IFT74: variants seen among roughly 807,000 people sequenced by gnomAD.
IFT74 encodes intraflagellar transport protein 74 homolog.
Under a neutral mutation model 96.7 loss-of-function variants are expected in IFT74, and 92 were observed. That is an observed-to-expected ratio of 0.95 (90% CI 0.80 to 1.13). The LOEUF (loss-of-function observed/expected upper bound fraction) is 1.13, where lower values mean the gene tolerates loss of function less well. Ranked by LOEUF, IFT74 falls within the 50% of genes most tolerant of loss-of-function variation. IFT74 has a pLI of 0.00. For missense variants in IFT74, 811 were observed against 698.2 expected, an observed-to-expected ratio of 1.16 and a Z score of -1.82; for synonymous variants, 223 against 213.2, an observed-to-expected ratio of 1.05 and a Z score of -0.40.
At chr9:27,055,576 GATTA>G (rs759235344) in intron 16 of IFT74, 29 bp from the exon 17 acceptor site, 36 of 1,471,594 alleles carry the variant, frequency 2.4e-5, no homozygotes, top group Admixed American at 5.1e-5. Context: ...ATAAAATTTT[GATTA>G]ATTATCACCT....
chr9:27,045,151 G>A (rs571574210), intron 14 of IFT74, among the ~76,000 whole-genome samples: 25 of 152,332 alleles, frequency 1.6e-4, no homozygotes, highest in African/African-American at 4.3e-4. Flanking sequence ...GAGCATTACC[G>A]TCTGAGCTCT....
intron 14 of IFT74, among the ~76,000 whole-genome samples, chr9:27,046,889 A>T (rs1385233621): frequency 6.6e-6 from 1 of 152,202 alleles, no homozygotes; most frequent in East Asian, 1.9e-4. Context: ...ATTTCTAAAA[A>T]TTGGGCCAGG....
chr9:26,961,509 C>T (rs1826359559), intron 1 of IFT74, among the ~76,000 whole-genome samples: 1 of 151,920 alleles, frequency 6.6e-6, no homozygotes, highest in Non-Finnish European at 1.5e-5. Context: ...CTTGGACTAC[C>T]GAAAGTGTTA....
intron 12 of IFT74, among the ~76,000 whole-genome samples, chr9:27,027,923 A>C (rs765862580): frequency 2.6e-5 from 4 of 152,170 alleles, no homozygotes; most frequent in Non-Finnish European, 4.4e-5. Flanking sequence ...GTTTTCTTCT[A>C]AGAGTTTGGT....
At chr9:27,042,529 T>G (rs1007672411) in intron 13 of IFT74, among the ~76,000 whole-genome samples, 1 of 152,194 alleles carries the variant, frequency 6.6e-6, no homozygotes, top group Non-Finnish European at 1.5e-5. Context: ...ATAATCTCAC[T>G]GAGAACAATT....
chr9:27,012,708 GTTTT>G (rs772920018), intron 10 of IFT74, among the ~76,000 whole-genome samples: 4 of 53,864 alleles, frequency 7.4e-5, no homozygotes, highest in Non-Finnish European at 9.7e-5. Context: ...AAAAATGTCT[GTTTT>G]TTTTTTTTTT....
intron 8 of IFT74, among the ~76,000 whole-genome samples, 189 bp downstream of exon 8, chr9:26,990,384 C>T (rs1827811353): frequency 6.6e-6 from 1 of 152,056 alleles, no homozygotes; most frequent in South Asian, 2.1e-4. Flanking sequence ...TACCTAAATT[C>T]TGTATAAAGA....
chr9:26,999,152 G>A (rs1039263562), intron 8 of IFT74, among the ~76,000 whole-genome samples: 1 of 152,112 alleles, frequency 6.6e-6, no homozygotes, highest in Non-Finnish European at 1.5e-5. Flanking sequence ...CACACAATCT[G>A]AAATTCTTTA....
intron 10 of IFT74, among the ~76,000 whole-genome samples, chr9:27,016,588 G>T (rs778074963): frequency 2.6e-5 from 4 of 152,108 alleles, no homozygotes; most frequent in Non-Finnish European, 4.4e-5. Flanking sequence ...GTTTAAAGTT[G>T]TACATATGTT....
chr9:27,011,270 G>A (rs1829057737), intron 9 of IFT74, among the ~76,000 whole-genome samples: 1 of 152,034 alleles, frequency 6.6e-6, no homozygotes. Flanking sequence ...AAAAGAAAGA[G>A]TATGATAGAA....
chr9:26,990,334 A>G (rs990914104), intron 8 of IFT74, 139 bp downstream of exon 8: 3 of 446,840 alleles, frequency 6.7e-6, no homozygotes, highest in Non-Finnish European at 1.2e-5. Context: ...TACAACACAA[A>G]TTTTGTTGCT....
At chr9:26,978,072 A>G in intron 2 of IFT74, 56 bp from the exon 3 acceptor site, 1 of 1,459,656 alleles carries the variant, frequency 6.9e-7, no homozygotes, top group Non-Finnish European at 9.2e-7. Flanking sequence ...TTTACAATAA[A>G]AGATGTACAG....
At chr9:27,028,780 C>A in intron 12 of IFT74, 3 of 257,406 alleles carry the variant, frequency 1.2e-5, no homozygotes, top group Non-Finnish European at 2.2e-5. Flanking sequence ...AAGATCTAGA[C>A]AAGATTCTTC....
intron 8 of IFT74, among the ~76,000 whole-genome samples, chr9:27,008,565 G>A (rs960793751): frequency 3.3e-5 from 5 of 152,036 alleles, no homozygotes; most frequent in Non-Finnish European, 5.9e-5. Flanking sequence ...TTGTCGTGTT[G>A]CCCAGGCTGG....
chr9:26,966,122 A>G (rs923200977), intron 2 of IFT74, among the ~76,000 whole-genome samples: 1 of 151,458 alleles, frequency 6.6e-6, no homozygotes, highest in African/African-American at 2.4e-5. Context: ...TATATTCGCT[A>G]TTGTGGCAAG....
intron 6 of IFT74, among the ~76,000 whole-genome samples, 178 bp downstream of exon 6, chr9:26,984,737 C>G (rs567794752): frequency 1.4e-4 from 21 of 152,120 alleles, no homozygotes; most frequent in Non-Finnish European, 2.5e-4. Context: ...TAGGGAAATG[C>G]AAATCAAAAG....
chr9:27,026,828 C>T (rs1474656277), intron 12 of IFT74, among the ~76,000 whole-genome samples: 1 of 152,084 alleles, frequency 6.6e-6, no homozygotes, highest in Admixed American at 6.6e-5. Context: ...AAAAGCAGTG[C>T]CTAGAGGAAC....
At chr9:27,023,855 C>G (rs1829727597) in intron 12 of IFT74, among the ~76,000 whole-genome samples, 1 of 152,234 alleles carries the variant, frequency 6.6e-6, no homozygotes, top group South Asian at 2.1e-4. Flanking sequence ...ACACGCCTAA[C>G]CCTGCCCCGA....
chr9:26,979,720 T>TA (rs1827280808), intron 3 of IFT74, among the ~76,000 whole-genome samples: 3 of 141,868 alleles, frequency 2.1e-5, no homozygotes, highest in African/African-American at 8.0e-5. Flanking sequence ...TTTTTTTTTT[T>TA]TTTTTTTTTT....
Sources: allele counts gnomAD v4.1 joint callset (sites outside exome capture counted in the v4.1 genomes callset), GRCh38; gene constraint gnomAD v4.1.1; transcripts MANE v1.5; gene names NCBI Gene and HGNC (gene_info 2026-07-23, HGNC 2026-07-21).